TMEM239: variants seen among roughly 807,000 people sequenced by gnomAD.
TMEM239 encodes transmembrane protein 239.
TMEM239 carries 10 observed loss-of-function variants against 14.6 expected under a neutral mutation model. That is an observed-to-expected ratio of 0.68 (90% CI 0.42 to 1.16). The LOEUF is 1.16. TMEM239 is among the 50% of genes most tolerant of loss of function. The pLI is 0.00. For synonymous variants in TMEM239, 94 were observed against 89.9 expected, an observed-to-expected ratio of 1.05 and a Z score of -0.26; for missense variants, 183 against 194.4, an observed-to-expected ratio of 0.94 and a Z score of 0.35.
At position 2,817,289 on chromosome 20, in the gene TMEM239, A is replaced by G. The variant is rs959126640; in HGVS notation, c.*276A>G. On this transcript the variant is annotated 3_prime_UTR_variant, in exon 2 of 2. Coordinates refer to ENST00000380585, the MANE Select transcript of TMEM239 (RefSeq NM_001167670.3). ...CTTAGCCAGGGGCAGAGCTTGACCAAGCCACTGATAGCGCCCATATGGATG... is the reference window on the plus strand; with the variant it reads ...CTTAGCCAGGGGCAGAGCTTGACCAGGCCACTGATAGCGCCCATATGGATG... The G allele has an allele frequency of 6.9e-6, 4 of 582,184 alleles. No homozygotes were observed. Among genetic ancestry groups the G allele is most frequent in the African/African-American group, 5.6e-5 (3 of 53,732 alleles). The allele number at this position is 582,184 out of a possible 1,614,324, so 36.1% of individuals were successfully genotyped here. A position where few individuals can be genotyped will look rare whatever the true frequency, so the allele number is the denominator to read the frequency against.
At position 2,818,021 on chromosome 20, in the gene TMEM239, G is replaced by A. The variant is rs2088697177; in HGVS notation, c.*1008G>A. The A allele has an allele frequency of 6.6e-6, 1 of 152,216 alleles. No individual in the cohort carries two copies. The allele number at this position is 152,216 out of a possible 1,614,324, so 9.4% of individuals were successfully genotyped here. On this transcript the variant is annotated 3_prime_UTR_variant, in exon 2 of 2. Coordinates refer to ENST00000380585, the MANE Select transcript of TMEM239 (RefSeq NM_001167670.3). ...ATGGTAAACAAGAGGTCGGTTAAGT[G>A]TGTACAAGATGTAAAAGGTCATGTG... is the stretch of plus-strand genomic sequence containing the variant.
In TMEM239 at chr20:2,816,407, T is replaced by C; in HGVS notation, c.-20T>C. ...CAGGAAGCAACATGACTTAGGTAAC[T>C]GCCCAGAGGTAAGTCCCAGTCCCTA... On this transcript the variant is annotated 5_prime_UTR_variant, in exon 1 of 2. Coordinates refer to ENST00000380585, the MANE Select transcript of TMEM239 (RefSeq NM_001167670.3). 6.5e-7 allele frequency: 1 copy of C among 1,535,880 alleles called. No homozygotes were observed. The highest frequency in any genetic ancestry group is 8.7e-7 in the Non-Finnish European group (1 of 1,146,838).
chr20:2,817,338 T>C lies in TMEM239; in HGVS notation c.*325T>C. The C allele has an allele frequency of 2.0e-6, 1 of 501,372 alleles. No individual in the cohort carries two copies. Among genetic ancestry groups the C allele is most frequent in the East Asian group, 3.1e-5 (1 of 32,536 alleles). The allele number at this position is 501,372 out of a possible 1,614,324, so 31.1% of individuals were successfully genotyped here. A position where few individuals can be genotyped will look rare whatever the true frequency, so the allele number is the denominator to read the frequency against. On this transcript the variant is annotated 3_prime_UTR_variant, in exon 2 of 2. Transcript: ENST00000380585. ...TGTGATGATACCCGTGGGGCCCCCT[T>C]GGCAACTGACAGCATCTTTTTCTCA...
In TMEM239 at chr20:2,816,881, G is replaced by T. The variant is rs1348140589; in HGVS notation, c.327G>T (p.Leu109=). ...GCCACCTGCTACCGGCTCTCCTGCTGCTGGTGCTCAGTGCTCTGCCTGCCC... is the reference window on the plus strand; with the variant it reads ...GCCACCTGCTACCGGCTCTCCTGCTTCTGGTGCTCAGTGCTCTGCCTGCCC... The part of the protein sequence containing the change: ...VWRHLLPALL[L]LVLSALPALL... Residue 109 remains leucine, a synonymous_variant, in exon 2 of 2, where the codon CTG becomes CTT. Coordinates refer to ENST00000380585, the MANE Select transcript of TMEM239 (RefSeq NM_001167670.3). The T allele has an allele frequency of 1.9e-6, 3 of 1,543,926 alleles. No homozygotes were observed. Among genetic ancestry groups the T allele is most frequent in the Non-Finnish European group, 2.6e-6 (3 of 1,147,002 alleles).
At chr20:2,816,099 A>G (rs1654086060), upstream of TMEM239, among the ~76,000 whole-genome samples, 1 of 152,132 alleles carries the variant, frequency 6.6e-6, no homozygotes, top group Admixed American at 6.5e-5. Context: ...AGCAGTTTGG[A>G]AAGGGGTGGA....
intron 1 of TMEM239, 51 bp from the exon 2 acceptor site, chr20:2,816,490 TGCC>T: frequency 7.7e-7 from 1 of 1,297,462 alleles, no homozygotes; most frequent in Non-Finnish European, 1.0e-6. Context: ...ACCCCCTCTC[TGCC>T]CCCCCCCCCC....
Position 2,817,444 on chromosome 20 carries a change from T to G in TMEM239, c.*431T>G. 7.7e-6 allele frequency: 2 copies of G among 258,170 alleles called. No individual in the cohort carries two copies. Among genetic ancestry groups the G allele is most frequent in the Non-Finnish European group, 1.5e-5 (2 of 134,460 alleles). 16.0% of individuals were successfully genotyped at this position (258,170 alleles called of 1,614,324 possible). On this transcript the variant is annotated 3_prime_UTR_variant, in exon 2 of 2. Transcript: ENST00000380585. ...CTGGCCTTGCCATTCCTCCCACCAATCCCCTCTTTCCACTTCCAGGAGAAC... is the reference window on the plus strand; with the variant it reads ...CTGGCCTTGCCATTCCTCCCACCAAGCCCCTCTTTCCACTTCCAGGAGAAC...
Position 2,816,603 on chromosome 20 carries a change from G to C in TMEM239, c.49G>C (p.Gly17Arg). The change falls in exon 2 of 2, where the codon GGG becomes CGG. Residue 17 changes from glycine to arginine, a missense_variant. Coordinates refer to ENST00000380585, the MANE Select transcript of TMEM239 (RefSeq NM_001167670.3). ...VETDTIGAGE[G>R]PQQAVPWSAW... is the part of the protein sequence containing the mutation. Reference sequence around the variant, plus strand: ...GACAGATACCATCGGGGCTGGCGAGGGGCCACAGCAGGCAGTGCCCTGGTC... The same window carrying C: ...GACAGATACCATCGGGGCTGGCGAGCGGCCACAGCAGGCAGTGCCCTGGTC... 6.5e-7 allele frequency: 1 copy of C among 1,537,950 alleles called. No homozygotes were observed. Among genetic ancestry groups the C allele is most frequent in the Non-Finnish European group, 8.7e-7 (1 of 1,146,862 alleles).
At chr20:2,816,118 A>G (rs534596881), upstream of TMEM239, among the ~76,000 whole-genome samples, 3 of 152,290 alleles carry the variant, frequency 2.0e-5, no homozygotes, top group South Asian at 6.2e-4. Flanking sequence ...GATATCAGCC[A>G]GCAGGGAAAG....
chr20:2,816,499 C>G lies in TMEM239; in HGVS notation c.-11-45C>G, dbSNP rs753308764. On this transcript the variant is annotated intron_variant, in intron 1 of 1. Coordinates refer to ENST00000380585, the MANE Select transcript of TMEM239 (RefSeq NM_001167670.3). ...CCCTGCACCCCCTCTCTGCCCCCCC[C>G]CCCCAAGGTCCCAGGCATCTTCAAG... 337 of 1,531,236 alleles carry G rather than the reference C, an allele frequency of 2.2e-4. 4 individuals carry two copies. The highest frequency in any genetic ancestry group is 9.1e-4 in the South Asian group (76 of 83,634). The allele number at this position is 1,531,236 out of a possible 1,614,324, so 94.9% of individuals were successfully genotyped here.
In TMEM239 at chr20:2,817,163, G is replaced by A. The variant is rs918396160; in HGVS notation, c.*150G>A. On this transcript the variant is annotated 3_prime_UTR_variant, in exon 2 of 2. Coordinates refer to ENST00000380585, the MANE Select transcript of TMEM239 (RefSeq NM_001167670.3). ...CTAACAGGTAGACTGGCCTGACCCC[G>A]GACTCCTTCCTCAAGTCAATGCTGC... 24 of 1,018,092 alleles carry A rather than the reference G, an allele frequency of 2.4e-5. No individual in the cohort carries two copies. Among genetic ancestry groups the A allele is most frequent in the African/African-American group, 1.6e-4 (10 of 61,850 alleles). The allele number at this position is 1,018,092 out of a possible 1,614,324, so 63.1% of individuals were successfully genotyped here. A position where few individuals can be genotyped will look rare whatever the true frequency, so the allele number is the denominator to read the frequency against.
chr20:2,815,874 A>G (rs1295235401), upstream of TMEM239: 1 of 1,004,958 alleles, frequency 1.0e-6, no homozygotes, highest in Non-Finnish European at 1.5e-6. Flanking sequence ...GTGGGATGAT[A>G]CCCCTTTCTT....
chr20:2,816,321 G>T (rs530591007), upstream of TMEM239: 74 of 1,535,530 alleles, frequency 4.8e-5, no homozygotes, highest in Non-Finnish European at 6.2e-5. Flanking sequence ...CTCCTCTGGG[G>T]AGGGTGGGGG....
intron 1 of TMEM239, 40 bp downstream of exon 1, chr20:2,816,455 A>T (rs970303042): frequency 6.5e-7 from 1 of 1,532,664 alleles, no homozygotes; most frequent in African/African-American, 1.4e-5. Flanking sequence ...CACCCCACGC[A>T]CACTGGTGCC....
At chr20:2,816,468 C>A in intron 1 of TMEM239, 53 bp downstream of exon 1, 5 of 1,529,806 alleles carry the variant, frequency 3.3e-6, no homozygotes, top group Non-Finnish European at 4.4e-6. Flanking sequence ...CTGGTGCCCT[C>A]CTGACCCCTG....
downstream of TMEM239, chr20:2,819,270 G>A (rs1366612850): frequency 6.6e-6 from 1 of 152,308 alleles, no homozygotes; most frequent in Non-Finnish European, 1.5e-5. Flanking sequence ...CTAGTGGATG[G>A]GATGTGGGCA....
rs187019119 is a variant in TMEM239, at chr20:2,816,819, C to T, written c.265C>T (p.Leu89=). The T allele has an allele frequency of 3.8e-3, 5,961 of 1,550,776 alleles. 19 individuals are homozygous for T. Among genetic ancestry groups the T allele is most frequent in the Non-Finnish European group, 4.3e-3 (4,933 of 1,147,012 alleles). Reference sequence around the variant, plus strand: ...ACTCTTCACCACTGGCTCCCACCTGCTGAGCTCCTTGTGGCCTGTCGTGGC... The same window carrying T: ...ACTCTTCACCACTGGCTCCCACCTGTTGAGCTCCTTGTGGCCTGTCGTGGC... ...HALFTTGSHL[L]SSLWPVVAAV... Residue 89 remains leucine, a synonymous_variant, in exon 2 of 2, where the codon CTG becomes TTG. Transcript: ENST00000380585.
Position 2,816,599 on chromosome 20 carries a change from C to T in TMEM239, c.45C>T (p.Gly15=), listed in dbSNP as rs2088675352. 3.9e-6 allele frequency: 6 copies of T among 1,536,376 alleles called. No individual in the cohort carries two copies. Among genetic ancestry groups the T allele is most frequent in the Non-Finnish European group, 3.5e-6 (4 of 1,146,504 alleles). The part of the protein sequence containing the change: ...PRVETDTIGA[G]EGPQQAVPWS... The stretch of plus-strand genomic sequence containing the variant: ...TGGAGACAGATACCATCGGGGCTGG[C>T]GAGGGGCCACAGCAGGCAGTGCCCT... The change falls in exon 2 of 2, where the codon GGC becomes GGT. Residue 15 remains glycine, a synonymous_variant. Coordinates refer to ENST00000380585, the MANE Select transcript of TMEM239 (RefSeq NM_001167670.3).
chr20:2,816,056 G>C (rs558501685), upstream of TMEM239, among the ~76,000 whole-genome samples: 5 of 152,200 alleles, frequency 3.3e-5, no homozygotes, highest in African/African-American at 1.2e-4. Flanking sequence ...TGGCTCTAGA[G>C]AATGAAGGTC....
Sources: gnomAD v4.1 joint callset for allele counts (sites outside exome capture counted in the v4.1 genomes callset) on GRCh38, gnomAD v4.1.1 for gene constraint, MANE v1.5 for transcripts, NCBI Gene and HGNC (gene_info 2026-07-23, HGNC 2026-07-21) for gene names.